Variants in IL4R observed in about 807,000 individuals in gnomAD.
The protein encoded by IL4R is interleukin 4 receptor.
IL4R carries 17 observed loss-of-function variants against 41.5 expected under a neutral mutation model. The ratio of observed to expected loss-of-function variants is 0.41; its 90% CI spans 0.28 to 0.61. IL4R has a LOEUF of 0.61. Ranked by LOEUF, IL4R falls within the 20% of genes least tolerant of loss-of-function variation. IL4R has a pLI of 0.31. For synonymous variants in IL4R, 402 were observed against 422.9 expected, an observed-to-expected ratio of 0.95 and a Z score of 0.61; for missense variants, 974 against 1,043.1, an observed-to-expected ratio of 0.93 and a Z score of 0.91.
chr16:27,326,450 T>C (rs1429275246), intron 1 of IL4R, among the ~76,000 whole-genome samples: 3 of 152,024 alleles, frequency 2.0e-5, no homozygotes, highest in Non-Finnish European at 4.4e-5. Context: ...CAGTGAGCTA[T>C]GATTGTGCCA....
chr16:27,334,555 G>C (rs2085200900), intron 2 of IL4R: 1 of 152,102 alleles, frequency 6.6e-6, no homozygotes, highest in Non-Finnish European at 1.5e-5. Flanking sequence ...CTTCTGCTGT[G>C]TGACTTTGGA....
intron 8 of IL4R, among the ~76,000 whole-genome samples, chr16:27,356,650 C>T (rs1011620403): frequency 3.9e-5 from 6 of 152,080 alleles, no homozygotes; most frequent in African/African-American, 1.2e-4. Flanking sequence ...CCCCTTACAA[C>T]GCTGGGTGCC....
At chr16:27,333,536 A>G (rs1287594991) in intron 2 of IL4R, among the ~76,000 whole-genome samples, 1 of 152,104 alleles carries the variant, frequency 6.6e-6, no homozygotes, top group Non-Finnish European at 1.5e-5. Context: ...CTCTGGCCTC[A>G]GTTTCCTTAG....
chr16:27,360,988 G>C (rs1335771540), intron 10 of IL4R, 173 bp downstream of exon 10: 18 of 1,483,754 alleles, frequency 1.2e-5, no homozygotes, highest in Non-Finnish European at 1.5e-5. Flanking sequence ...GTGGACTGCT[G>C]GCCAAGCCCC....
At chr16:27,340,807 T>C (rs1331959687) in intron 3 of IL4R, among the ~76,000 whole-genome samples, 1 of 151,798 alleles carries the variant, frequency 6.6e-6, no homozygotes, top group Non-Finnish European at 1.5e-5. Context: ...GGATTGCAGT[T>C]GAAAGTAGGG....
At chr16:27,319,581 G>C (rs1174473061) in intron 1 of IL4R, among the ~76,000 whole-genome samples, 1 of 152,158 alleles carries the variant, frequency 6.6e-6, no homozygotes, top group Non-Finnish European at 1.5e-5. Context: ...CGCAGGACTG[G>C]TTCCTCCAAG....
chr16:27,354,273 C>T (rs2141187047), intron 7 of IL4R: 1 of 152,334 alleles, frequency 6.6e-6, no homozygotes, highest in South Asian at 2.1e-4. Flanking sequence ...CTCTTCCCTT[C>T]TGCTGTCTTC....
intron 2 of IL4R, among the ~76,000 whole-genome samples, chr16:27,335,687 A>G (rs1440669103): frequency 6.6e-6 from 1 of 152,152 alleles, no homozygotes; most frequent in Admixed American, 6.6e-5. Context: ...GTCTGGCACA[A>G]GAATTCCAAG....
intron 1 of IL4R, among the ~76,000 whole-genome samples, chr16:27,320,906 G>A (rs1222941498): frequency 2.0e-5 from 3 of 151,804 alleles, no homozygotes; most frequent in Non-Finnish European, 4.4e-5. Flanking sequence ...CTAACTGGGA[G>A]AAAATCTTCC....
intron 6 of IL4R, 35 bp from the exon 7 acceptor site, chr16:27,352,505 G>C: frequency 6.2e-7 from 1 of 1,605,912 alleles, no homozygotes; most frequent in Non-Finnish European, 8.5e-7. Flanking sequence ...CCTCGCCCCC[G>C]GCTGGTGCCC....
In IL4R at chr16:27,352,580, G is replaced by T. The variant is rs150955128; in HGVS notation, c.554G>T (p.Arg185Leu). 5 of 1,613,998 alleles carry T rather than the reference G, an allele frequency of 3.1e-6. No individual in the cohort carries two copies. The African/African-American group carries it at 5.3e-5, about 17-fold the overall frequency. The change falls in exon 7 of 11, where the codon CGC becomes CTC. Residue 185 changes from arginine (R) to leucine (L), a missense_variant. Around this residue, in one of 3 missense-constraint regions of IL4R, gnomAD observed 284 missense variants for 313.4 expected, o/e 0.91. Coordinates refer to ENST00000395762, the MANE Select transcript of IL4R (RefSeq NM_000418.4). ...YNVTYLEPSLRIAASTLKSGI... is the reference protein window; with the variant it reads ...YNVTYLEPSLLIAASTLKSGI... Reference sequence around the variant, plus strand: ...GTGACCTACCTAGAACCCTCCCTCCGCATCGCAGCCAGCACCCTGAAGTCT... The same window carrying T: ...GTGACCTACCTAGAACCCTCCCTCCTCATCGCAGCCAGCACCCTGAAGTCT...
chr16:27,327,535 ACT>A (rs1371523655), intron 1 of IL4R, among the ~76,000 whole-genome samples: 7 of 151,872 alleles, frequency 4.6e-5, no homozygotes, highest in Admixed American at 2.0e-4. Flanking sequence ...CTGCTTCCTA[ACT>A]CTGTGACCTT....
rs560750789 is a variant in IL4R, at chr16:27,343,009, T to G, written c.209+750T>G. Among the ~76,000 whole-genome samples, 6 of 152,252 alleles carry G rather than the reference T, an allele frequency of 3.9e-5. No individual in the cohort carries two copies. The South Asian group carries it at 6.2e-4, about 16-fold the overall frequency. On this transcript the variant is annotated intron_variant, in intron 4 of 10. Transcript: ENST00000395762. ...TTTGAGAACCACTGGACTAGACCCT[T>G]GATTGAGGAGTACGGTGTTGAGAGT...
At chr16:27,320,948 C>CTT (rs201149622) in intron 1 of IL4R, among the ~76,000 whole-genome samples, 1,823 of 143,310 alleles carry the variant, frequency 0.013, 41 homozygotes, top group African/African-American at 0.038. Context: ...TTCTTTCTTT[C>CTT]TTTTTTTTTT....
At chr16:27,338,106 G>A (rs770851331) in intron 2 of IL4R, among the ~76,000 whole-genome samples, 10 of 151,294 alleles carry the variant, frequency 6.6e-5, no homozygotes, top group South Asian at 4.2e-4. Flanking sequence ...ACAGGTGTGC[G>A]CCACCACACT....
chr16:27,349,634 G>C (rs1279689730), intron 6 of IL4R, among the ~76,000 whole-genome samples: 3 of 152,224 alleles, frequency 2.0e-5, no homozygotes, highest in African/African-American at 7.2e-5. Context: ...AAAGCCAAAA[G>C]TTTAGTTAGA....
intron 1 of IL4R, among the ~76,000 whole-genome samples, chr16:27,324,751 G>T (rs1035128486): frequency 6.6e-6 from 1 of 152,196 alleles, no homozygotes; most frequent in African/African-American, 2.4e-5. Flanking sequence ...CCAGGATCCC[G>T]GATGGAGTTG....
At chr16:27,320,407 G>A (rs2084780301) in intron 1 of IL4R, among the ~76,000 whole-genome samples, 1 of 152,212 alleles carries the variant, frequency 6.6e-6, no homozygotes, top group Non-Finnish European at 1.5e-5. Context: ...CACGGCCTCT[G>A]GCAGTGGAGG....
At position 27,358,969 on chromosome 16, in the gene IL4R, T is replaced by C. The variant is rs2086188749; in HGVS notation, c.824T>C (p.Val275Ala). The change falls in exon 9 of 11, where the codon GTG becomes GCG. Residue 275 changes from valine (V) to alanine (A), a missense_variant. By Grantham distance (64) the Val-to-Ala change is moderately conservative. Coordinates refer to ENST00000395762, the MANE Select transcript of IL4R (RefSeq NM_000418.4). ...CCCAACCCAGCCCGCAGCCGCCTCGTGGCTATAATAATCCAGGATGCTCAG... is the reference window on the plus strand; with the variant it reads ...CCCAACCCAGCCCGCAGCCGCCTCGCGGCTATAATAATCCAGGATGCTCAG... ...QIPNPARSRL[V>A]AIIIQDAQGS... 3.1e-6 allele frequency: 5 copies of C among 1,613,894 alleles called. No homozygotes were observed. Among genetic ancestry groups the C allele is most frequent in the African/African-American group, 1.3e-5 (1 of 75,048 alleles).
Sources: gnomAD v4.1 joint callset for allele counts (sites outside exome capture counted in the v4.1 genomes callset) on GRCh38, gnomAD v4.1.1 for gene constraint, gnomAD v4.1.1 regional missense constraint, MANE v1.5 for transcripts, NCBI Gene and HGNC (gene_info 2026-07-23, HGNC 2026-07-21) for gene names.